The following CFAP47 variants were observed in gnomAD, a reference collection of about 807,000 sequenced individuals.
CFAP47 encodes cilia and flagella associated protein 47, also known as cilia- and flagella-associated protein 47.
In CFAP47, 29 loss-of-function variants were observed where a neutral mutation model predicts 148.1. The observed-to-expected ratio is 0.20, with a 90% CI of 0.15 to 0.27. The LOEUF (loss-of-function observed/expected upper bound fraction) is 0.27, where lower values mean the gene tolerates loss of function less well. CFAP47 is among the 10% of genes least tolerant of loss of function. The pLI, the probability that CFAP47 is intolerant of heterozygous loss-of-function variation, is 1.00. For synonymous variants in CFAP47, 664 were observed against 577.3 expected, an observed-to-expected ratio of 1.15 and a Z score of -2.15; for missense variants, 1,872 against 1,697.5, an observed-to-expected ratio of 1.10 and a Z score of -1.81.
chrX:36,233,506 G>A (rs1277429613), intron 46 of CFAP47, among the ~76,000 whole-genome samples: 1 of 111,240 alleles, frequency 9.0e-6, no homozygotes, highest in Non-Finnish European at 1.9e-5. Flanking sequence ...GCCTATGTGT[G>A]TCTCTGCCCG....
intron 24 of CFAP47, among the ~76,000 whole-genome samples, chrX:36,037,036 C>G (rs1375835221): frequency 8.9e-6 from 1 of 111,910 alleles, no homozygotes; most frequent in East Asian, 2.8e-4. Flanking sequence ...TCTTTGCATT[C>G]TGAAATTTGT....
At chrX:36,275,965 C>A (rs148127792) in intron 49 of CFAP47, among the ~76,000 whole-genome samples, 335 of 110,115 alleles carry the variant, frequency 3.0e-3, no homozygotes, top group African/African-American at 0.01. Flanking sequence ...TAAAGTAATC[C>A]ATTTTTTTGG....
rs896216591 is a variant in CFAP47 at position 35,991,828 on chromosome X, G to A, written c.2852G>A (p.Arg951His). Residue 951 changes from arginine (R) to histidine (H), a missense_variant, in exon 17 of 64, where the codon CGC becomes CAC. Arg to His is a conservative substitution (Grantham distance 29). Coordinates refer to ENST00000378653, the MANE Select transcript of CFAP47 (RefSeq NM_001304548.2). The stretch of plus-strand genomic sequence containing the variant: ...TCCTCCTCTCGTTATTAGCTTGGTC[G>A]CACCAAGGTTTTACTTTTGCAGCCA... Reference protein sequence around the residue: ...LKLKCVAHLGRTKVLLLQPRI... With the variant: ...LKLKCVAHLGHTKVLLLQPRI... The A allele has an allele frequency of 1.4e-5, 4 of 294,941 alleles. No homozygotes were observed. The highest frequency in any genetic ancestry group is 4.0e-4 in the South Asian group (2 of 4,986). 24.3% of individuals were successfully genotyped at this position (294,941 alleles called of 1,213,427 possible).
chrX:36,283,924 A>G (rs1477482444), intron 50 of CFAP47, among the ~76,000 whole-genome samples: 1 of 112,068 alleles, frequency 8.9e-6, no homozygotes, highest in Non-Finnish European at 1.9e-5. Flanking sequence ...ACCCAGAGTC[A>G]TGAAGCATCT....
chrX:36,172,093 T>C (rs1261200256), intron 39 of CFAP47, among the ~76,000 whole-genome samples: 1 of 108,718 alleles, frequency 9.2e-6, no homozygotes, highest in Non-Finnish European at 1.9e-5. Context: ...GATTTGGCTC[T>C]CTGTTTGTCT....
intron 57 of CFAP47, among the ~76,000 whole-genome samples, chrX:36,336,642 C>A (rs2146975742): frequency 8.9e-6 from 1 of 111,764 alleles, no homozygotes; most frequent in East Asian, 2.8e-4. Context: ...CAGAGCTCAA[C>A]TGTCAGAGTT....
chrX:36,173,170 T>A (rs1939610797), intron 39 of CFAP47, among the ~76,000 whole-genome samples: 1 of 111,896 alleles, frequency 8.9e-6, no homozygotes, highest in Non-Finnish European at 1.9e-5. Flanking sequence ...TTTTATTGTG[T>A]CTATTTGATT....
In CFAP47 at chrX:36,082,494, A is replaced by G. The variant is rs185589617; in HGVS notation, c.4692-2820A>G. Among the ~76,000 whole-genome samples, 114 of 112,009 alleles carry G rather than the reference A, an allele frequency of 1.0e-3. 1 individual carries two copies. The highest frequency in any genetic ancestry group is 4.7e-3 in the Middle Eastern group (1 of 213). ...GTGAATTGTAGAAATAACATTTTCT[A>G]TAAACACCGCTGAGAAGATCTCTAA... On this transcript the variant is annotated intron_variant, in intron 29 of 63. Transcript: ENST00000378653.
At position 36,285,693 on chromosome X, in the gene CFAP47, C is replaced by G. The variant is rs200276900; in HGVS notation, c.7653C>G (p.Pro2551=). The G allele has an allele frequency of 8.7e-6, 10 of 1,148,163 alleles. No individual in the cohort carries two copies. Among genetic ancestry groups the G allele is most frequent in the Non-Finnish European group, 1.1e-5 (9 of 856,296 alleles). 94.6% of individuals were successfully genotyped at this position (1,148,163 alleles called of 1,213,427 possible). Residue 2551 remains proline, a synonymous_variant, in exon 51 of 64, where the codon CCC becomes CCG. Coordinates refer to ENST00000378653, the MANE Select transcript of CFAP47 (RefSeq NM_001304548.2). ...AGATCCATAGCACTCCTGGACCACC[C>G]ATAGAGATTATGGAAATGACATGTA... ...NLEIHSTPGP[P]IEIMEMTCIA... is the part of the protein sequence containing the mutation.
intron 62 of CFAP47, among the ~76,000 whole-genome samples, chrX:36,375,373 G>A (rs1037076634): frequency 4.0e-4 from 45 of 111,749 alleles, no homozygotes; most frequent in African/African-American, 1.3e-3. Context: ...GTTTCATACC[G>A]CTGTGGTCAG....
intron 42 of CFAP47, among the ~76,000 whole-genome samples, chrX:36,195,894 TAA>T (rs1939915164): frequency 8.9e-6 from 1 of 111,863 alleles, no homozygotes; most frequent in African/African-American, 3.2e-5. Context: ...CAGTGACTTC[TAA>T]AGTCTAAGGA....
intron 57 of CFAP47, among the ~76,000 whole-genome samples, chrX:36,344,257 GA>G (rs373568132): frequency 0.084 from 5,177 of 61,547 alleles, 413 homozygotes; most frequent in African/African-American, 0.23. Flanking sequence ...AAGAGAGAAA[GA>G]AAAAAAAAAA....
intron 46 of CFAP47, among the ~76,000 whole-genome samples, chrX:36,231,092 G>A (rs1256354836): frequency 9.1e-6 from 1 of 109,334 alleles, no homozygotes; most frequent in African/African-American, 3.4e-5. Flanking sequence ...TTGGCAATGC[G>A]GGCTCTTTTT....
intron 2 of CFAP47, among the ~76,000 whole-genome samples, chrX:35,930,709 T>G (rs1935814031): frequency 1.8e-5 from 2 of 111,750 alleles, no homozygotes; most frequent in Admixed American, 1.9e-4. Flanking sequence ...CTCTAAGTTG[T>G]CAAATTTATG....
At position 36,201,691 on chromosome X, in the gene CFAP47, A is replaced by C. The variant is rs1939982006; in HGVS notation, c.6663+191A>C. 8.0e-5 allele frequency among the ~76,000 whole-genome samples: 9 copies of C among 111,960 alleles called. No homozygotes were observed. The Admixed American group carries it at 8.6e-4, about 11-fold the overall frequency. On this transcript the variant is annotated intron_variant, in intron 44 of 63. Transcript: ENST00000378653. ...CCTCGTTAAATAATGAATCTGAAACAAAGCATTCTACTATGTAATTTAAGG... is the reference window on the plus strand; with the variant it reads ...CCTCGTTAAATAATGAATCTGAAACCAAGCATTCTACTATGTAATTTAAGG...
At chrX:36,196,126 C>A (rs1198189223) in intron 42 of CFAP47, among the ~76,000 whole-genome samples, 1 of 111,473 alleles carries the variant, frequency 9.0e-6, no homozygotes, top group Non-Finnish European at 1.9e-5. Flanking sequence ...TTCTCACCCT[C>A]ACTGAGTTTC....
intron 57 of CFAP47, among the ~76,000 whole-genome samples, chrX:36,333,429 C>T (rs1556014349): frequency 9.0e-6 from 1 of 110,875 alleles, no homozygotes; most frequent in Non-Finnish European, 1.9e-5. Flanking sequence ...TTTTCCCACA[C>T]ACTCACAATC....
chrX:36,184,273 A>G (rs1296951241), intron 40 of CFAP47, among the ~76,000 whole-genome samples: 2 of 111,783 alleles, frequency 1.8e-5, no homozygotes, highest in Admixed American at 9.5e-5. Flanking sequence ...AATATGAGTA[A>G]GATCTTGATG....
intron 45 of CFAP47, among the ~76,000 whole-genome samples, chrX:36,223,464 T>C (rs782435917): frequency 2.0e-4 from 22 of 111,149 alleles, no homozygotes; most frequent in African/African-American, 6.5e-4. Context: ...TTATTCATTC[T>C]TAATTATTCA....
Sources: allele counts gnomAD v4.1 joint callset (sites outside exome capture counted in the v4.1 genomes callset), GRCh38; gene constraint gnomAD v4.1.1; transcripts MANE v1.5; gene names NCBI Gene and HGNC (gene_info 2026-07-23, HGNC 2026-07-21).